RAPGEF2: variants seen among roughly 807,000 people sequenced by gnomAD.
RAPGEF2 encodes the protein PDZ domain containing guanine nucleotide exchange factor (GEF) 1.
In RAPGEF2, 54 loss-of-function variants were observed where a neutral mutation model predicts 186.7. That is an observed-to-expected ratio of 0.29 (90% CI 0.23 to 0.36). RAPGEF2 has a LOEUF of 0.36. Among genes scored for constraint, RAPGEF2 ranks in the 10% least tolerant of loss-of-function variants. The pLI, the probability that RAPGEF2 is intolerant of heterozygous loss-of-function variation, is 1.00. For synonymous variants in RAPGEF2, 712 were observed against 705.9 expected, an observed-to-expected ratio of 1.01 and a Z score of -0.14; for missense variants, 1,532 against 2,045.0, an observed-to-expected ratio of 0.75 and a Z score of 4.84.
Position 159,287,085 on chromosome 4 carries a change from A to G in RAPGEF2, c.544-17257A>G, listed in dbSNP as rs866462454. Among the ~76,000 whole-genome samples the G allele has an allele frequency of 6.6e-5, 10 of 152,310 alleles. 2 individuals carry two copies. In the South Asian group the frequency reaches 2.1e-3, roughly 32 times the overall value. Reference sequence around the variant, plus strand: ...GTATAGGCAACATGTCAGTAAGCTTAGAATTAGTAGATAATTGTTTCATCT... The same window carrying G: ...GTATAGGCAACATGTCAGTAAGCTTGGAATTAGTAGATAATTGTTTCATCT... On this transcript the variant is annotated intron_variant, in intron 7 of 29. Transcript: ENST00000691494.
chr4:159,309,406 AT>A (rs1422311134), intron 8 of RAPGEF2, among the ~76,000 whole-genome samples: 1 of 151,942 alleles, frequency 6.6e-6, no homozygotes, highest in African/African-American at 2.4e-5. Context: ...TCTTGTCTCT[AT>A]TTTTTCCCCT....
At position 159,347,645 on chromosome 4, in the gene RAPGEF2, G is replaced by A. The variant is rs7438232; in HGVS notation, c.3712+647G>A. ...TAAAAATAGAAAAAATTAGCCGGGC[G>A]TGGTGGCGGGCGCCTGTAGTCCCAG... On this transcript the variant is annotated intron_variant, in intron 25 of 29. Transcript: ENST00000691494. 3.0e-3 allele frequency among the ~76,000 whole-genome samples: 450 copies of A among 152,282 alleles called. 3 individuals are homozygous for A. Among genetic ancestry groups the A allele is most frequent in the African/African-American group, 0.01 (419 of 41,548 alleles).
intron 7 of RAPGEF2, chr4:159,267,714 A>G: frequency 3.0e-6 from 3 of 1,005,044 alleles, no homozygotes; most frequent in Non-Finnish European, 3.6e-6. Context: ...TGGTTCTTAT[A>G]CCACCCTGAC....
At chr4:159,302,544 A>G (rs908917507) in intron 7 of RAPGEF2, among the ~76,000 whole-genome samples, 3 of 152,154 alleles carry the variant, frequency 2.0e-5, no homozygotes, top group African/African-American at 2.4e-5. Flanking sequence ...AAGGGTATCT[A>G]TCCTGCCTAT....
At chr4:159,205,417 C>T (rs1749863981) in intron 3 of RAPGEF2, among the ~76,000 whole-genome samples, 1 of 152,040 alleles carries the variant, frequency 6.6e-6, no homozygotes, top group Non-Finnish European at 1.5e-5. Context: ...TGGTTACATC[C>T]CAATAAACCC....
intron 7 of RAPGEF2, among the ~76,000 whole-genome samples, chr4:159,253,156 A>T (rs1045966868): frequency 6.6e-6 from 1 of 152,250 alleles, no homozygotes; most frequent in East Asian, 1.9e-4. Flanking sequence ...GAGTATTTTA[A>T]CAGCTTTCAA....
intron 4 of RAPGEF2, among the ~76,000 whole-genome samples, chr4:159,219,830 T>G (rs1048444531): frequency 2.0e-5 from 3 of 152,258 alleles, no homozygotes; most frequent in African/African-American, 7.2e-5. Context: ...TCCTGACTTC[T>G]GTCCTAAACT....
chr4:159,165,817 T>G (rs1032831399), intron 1 of RAPGEF2, among the ~76,000 whole-genome samples: 1 of 152,116 alleles, frequency 6.6e-6, no homozygotes, highest in East Asian at 1.9e-4. Flanking sequence ...GGTCTCGAAT[T>G]TATGGGCTCA....
At chr4:159,252,076 C>T (rs1561149987) in intron 7 of RAPGEF2, among the ~76,000 whole-genome samples, 2 of 152,084 alleles carry the variant, frequency 1.3e-5, no homozygotes, top group Admixed American at 6.5e-5. Context: ...TAACATTCAC[C>T]GTGAGGGTCT....
intron 10 of RAPGEF2, among the ~76,000 whole-genome samples, chr4:159,322,706 G>T (rs1170202733): frequency 6.6e-6 from 1 of 152,098 alleles, no homozygotes; most frequent in Non-Finnish European, 1.5e-5. Context: ...GGTTTAATTG[G>T]ACTTACAGTT....
At chr4:159,213,073 A>G (rs866216807) in intron 4 of RAPGEF2, among the ~76,000 whole-genome samples, 1 of 152,170 alleles carries the variant, frequency 6.6e-6, no homozygotes, top group African/African-American at 2.4e-5. Flanking sequence ...AATAGGGTGA[A>G]AGAGGGAATG....
At chr4:159,133,299 G>A (rs1056484352) in intron 1 of RAPGEF2, among the ~76,000 whole-genome samples, 6 of 152,028 alleles carry the variant, frequency 3.9e-5, no homozygotes, top group African/African-American at 1.2e-4. Flanking sequence ...GCTTGTTGTT[G>A]TAGAAGTGGC....
At chr4:159,234,005 A>T (rs1279889131) in intron 4 of RAPGEF2, among the ~76,000 whole-genome samples, 2 of 152,112 alleles carry the variant, frequency 1.3e-5, no homozygotes, top group African/African-American at 4.8e-5. Flanking sequence ...CTGAATTTCC[A>T]TATGAATTTT....
In RAPGEF2 at chr4:159,345,520, C is replaced by G. The variant is rs561089589; in HGVS notation, c.3502+191C>G. Reference sequence around the variant, plus strand: ...ACTGTGCACGGCCAGGCCGTCATGTCAACTGGGTTAGTATGTGGAAGATGA... The same window carrying G: ...ACTGTGCACGGCCAGGCCGTCATGTGAACTGGGTTAGTATGTGGAAGATGA... On this transcript the variant is annotated intron_variant, in intron 24 of 29. Coordinates refer to ENST00000691494, the MANE Select transcript of RAPGEF2 (RefSeq NM_001394067.2). Among the ~76,000 whole-genome samples, 33 of 152,290 alleles carry G rather than the reference C, an allele frequency of 2.2e-4. 1 individual carries two copies. In the South Asian group the frequency reaches 6.4e-3, roughly 30 times the overall value.
At chr4:159,246,660 G>A (rs531244995) in intron 7 of RAPGEF2, among the ~76,000 whole-genome samples, 18 of 152,218 alleles carry the variant, frequency 1.2e-4, no homozygotes, top group Admixed American at 3.9e-4. Context: ...TTTAGTTTCC[G>A]TGATTGTGCA....
intron 1 of RAPGEF2, among the ~76,000 whole-genome samples, chr4:159,117,857 A>G (rs1739216942): frequency 6.6e-6 from 1 of 152,126 alleles, no homozygotes; most frequent in Non-Finnish European, 1.5e-5. Flanking sequence ...TACAACATAA[A>G]CTTGCTATCC....
chr4:159,175,877 T>G (rs1561046515), intron 1 of RAPGEF2, among the ~76,000 whole-genome samples: 1 of 152,232 alleles, frequency 6.6e-6, no homozygotes, highest in Non-Finnish European at 1.5e-5. Flanking sequence ...TGTTGCCCTT[T>G]TCTTTCTTTG....
intron 7 of RAPGEF2, among the ~76,000 whole-genome samples, chr4:159,296,468 A>C (rs914414265): frequency 2.6e-5 from 4 of 152,236 alleles, no homozygotes; most frequent in African/African-American, 9.6e-5. Context: ...TCAATTAGTA[A>C]ATTAATAAAT....
At chr4:159,104,252 T>A in intron 1 of RAPGEF2, 21 bp downstream of exon 1, 1 of 1,120,240 alleles carries the variant, frequency 8.9e-7, no homozygotes, top group Non-Finnish European at 1.1e-6. Context: ...GGCGGCCGCC[T>A]GCCCTTGGCC....
Sources: gnomAD v4.1 joint callset for allele counts (sites outside exome capture counted in the v4.1 genomes callset) on GRCh38, gnomAD v4.1.1 for gene constraint, MANE v1.5 for transcripts, NCBI Gene and HGNC (gene_info 2026-07-23, HGNC 2026-07-21) for gene names.